The following SKAP1 variants were observed in gnomAD, a reference collection of about 807,000 sequenced individuals.
SKAP1 encodes the protein src kinase-associated phosphoprotein 1.
SKAP1 carries 44 observed loss-of-function variants against 58.5 expected under a neutral mutation model. The ratio of observed to expected loss-of-function variants is 0.75; its 90% CI spans 0.59 to 0.97. The LOEUF is 0.97. Among genes scored for constraint, SKAP1 ranks in the 50% least tolerant of loss-of-function variants. The probability of loss-of-function intolerance (pLI) is 0.00; values close to 1 mark genes in which losing one functional copy is unlikely to be tolerated. For synonymous variants in SKAP1, 127 were observed against 149.7 expected, an observed-to-expected ratio of 0.85 and a Z score of 1.11; for missense variants, 390 against 435.2, an observed-to-expected ratio of 0.90 and a Z score of 0.92.
intron 3 of SKAP1, 81 bp downstream of exon 3, chr17:48,363,708 G>T: frequency 1.6e-6 from 2 of 1,236,140 alleles, no homozygotes; most frequent in Non-Finnish European, 2.3e-6. Context: ...CTGTGGAGAA[G>T]CTTGTAGAGA....
At chr17:48,378,839 G>A (rs1258023603) in intron 2 of SKAP1, among the ~76,000 whole-genome samples, 1 of 152,158 alleles carries the variant, frequency 6.6e-6, no homozygotes, top group Non-Finnish European at 1.5e-5. Context: ...AGCGAATGGA[G>A]GTAAGAAGCA....
At chr17:48,372,017 G>A (rs2067093905) in intron 2 of SKAP1, among the ~76,000 whole-genome samples, 1 of 152,042 alleles carries the variant, frequency 6.6e-6, no homozygotes, top group Admixed American at 6.6e-5. Flanking sequence ...CTGTCACCCA[G>A]GCTGGAGTGC....
At chr17:48,379,022 A>T (rs1452116497) in intron 2 of SKAP1, among the ~76,000 whole-genome samples, 1 of 152,176 alleles carries the variant, frequency 6.6e-6, no homozygotes, top group Non-Finnish European at 1.5e-5. Flanking sequence ...TTTTCCTCTA[A>T]ATCACTCACA....
intron 10 of SKAP1, among the ~76,000 whole-genome samples, chr17:48,167,422 A>G (rs1334569665): frequency 6.6e-6 from 1 of 152,102 alleles, no homozygotes; most frequent in Admixed American, 6.5e-5. Context: ...TAATCAGCTC[A>G]TGTTTGGTCT....
chr17:48,408,032 C>T (rs956394697), intron 1 of SKAP1, among the ~76,000 whole-genome samples: 1 of 151,974 alleles, frequency 6.6e-6, no homozygotes, highest in Admixed American at 6.6e-5. Flanking sequence ...GGAGCAAAAA[C>T]AAAATTTTTA....
chr17:48,297,849 A>T (rs4128439), intron 4 of SKAP1, among the ~76,000 whole-genome samples: 31,595 of 152,162 alleles, frequency 0.21, 3,289 homozygotes, highest in Admixed American at 0.22. Context: ...TGGCTTCAGA[A>T]ATTTTGGCAG....
chr17:48,158,935 T>G (rs2064030215), intron 11 of SKAP1, among the ~76,000 whole-genome samples: 1 of 148,234 alleles, frequency 6.7e-6, no homozygotes, highest in Admixed American at 6.8e-5. Context: ...CACTCCAGCC[T>G]GGCAACAGAG....
intron 4 of SKAP1, chr17:48,204,569 C>T (rs984370472): frequency 6.6e-6 from 1 of 152,076 alleles, no homozygotes; most frequent in Non-Finnish European, 1.5e-5. Context: ...TTTTTAGGAA[C>T]CCCATTCTGC....
intron 4 of SKAP1, among the ~76,000 whole-genome samples, chr17:48,289,546 G>A (rs940787528): frequency 2.7e-4 from 41 of 152,076 alleles, no homozygotes; most frequent in African/African-American, 9.7e-4. Context: ...GCTGTGAGGT[G>A]TTGTGTTAAA....
At chr17:48,265,241 C>G (rs1257434843) in intron 4 of SKAP1, among the ~76,000 whole-genome samples, 2 of 152,114 alleles carry the variant, frequency 1.3e-5, no homozygotes, top group African/African-American at 4.8e-5. Context: ...TGCGGTGGCT[C>G]ACACCTGTAA....
chr17:48,177,994 A>G (rs895477016), intron 9 of SKAP1, among the ~76,000 whole-genome samples: 4 of 152,042 alleles, frequency 2.6e-5, no homozygotes, highest in Admixed American at 2.6e-4. Flanking sequence ...GTACCTACAG[A>G]TGAGTCTTCA....
chr17:48,360,353 A>G (rs1159601400), intron 3 of SKAP1, among the ~76,000 whole-genome samples: 1 of 152,172 alleles, frequency 6.6e-6, no homozygotes, highest in Non-Finnish European at 1.5e-5. Flanking sequence ...TCATTTTATA[A>G]AAGGGGAAAC....
intron 4 of SKAP1, among the ~76,000 whole-genome samples, chr17:48,319,800 C>T (rs1025238822): frequency 3.9e-5 from 6 of 152,124 alleles, no homozygotes; most frequent in African/African-American, 1.4e-4. Context: ...AGTGATCACA[C>T]CACTGCATTC....
Position 48,187,882 on chromosome 17 carries a change from C to A in SKAP1, c.403G>T (p.Val135Phe), listed in dbSNP as rs375916385. ...TAGTAGTAGAAGAGACCTCTGCTGA[C>A]AACACACCATCGCTTCTGCCACTCC... is the stretch of plus-strand genomic sequence containing the variant. ...GSEWQKRWCV[V>F]SRGLFYYYAN... Residue 135 changes from valine to phenylalanine, a missense_variant, in exon 6 of 13, where the codon GTC (valine) becomes TTC (phenylalanine). Physicochemically the swap from Val to Phe is conservative, Grantham distance 50. Transcript: ENST00000336915. 24 of 1,614,014 alleles carry A rather than the reference C, an allele frequency of 1.5e-5. No homozygotes were observed. Among genetic ancestry groups the A allele is most frequent in the Non-Finnish European group, 1.9e-5 (23 of 1,179,892 alleles).
rs577891648 is a variant in SKAP1, at chr17:48,387,439, T to C, written c.152+9241A>G. Among the ~76,000 whole-genome samples, 11 of 152,354 alleles carry C rather than the reference T, an allele frequency of 7.2e-5. 1 individual carries two copies. The South Asian group carries it at 2.3e-3, about 32-fold the overall frequency. On this transcript the variant is annotated intron_variant, in intron 2 of 12. Transcript: ENST00000336915. Reference sequence around the variant, plus strand: ...CTCTCCAGAATGGAAATATTATCACTTTCAACATATACTTCATCTCCAGTC... The same window carrying C: ...CTCTCCAGAATGGAAATATTATCACCTTCAACATATACTTCATCTCCAGTC...
chr17:48,413,183 G>T (rs770477218), intron 1 of SKAP1, among the ~76,000 whole-genome samples: 1 of 151,938 alleles, frequency 6.6e-6, no homozygotes, highest in African/African-American at 2.4e-5. Flanking sequence ...ACTTGATGAA[G>T]ACCTAGGAAA....
At chr17:48,280,299 G>A (rs539606206) in intron 4 of SKAP1, among the ~76,000 whole-genome samples, 3 of 151,928 alleles carry the variant, frequency 2.0e-5, no homozygotes, top group Admixed American at 1.3e-4. Flanking sequence ...GTGAAACGCC[G>A]TCTCTACTAA....
At chr17:48,210,918 CA>C in intron 4 of SKAP1, among the ~76,000 whole-genome samples, 1 of 152,236 alleles carries the variant, frequency 6.6e-6, no homozygotes, top group South Asian at 2.1e-4. Context: ...CCAGATGTAT[CA>C]TTAGGATTAG....
intron 2 of SKAP1, among the ~76,000 whole-genome samples, chr17:48,380,535 G>A (rs1320607795): frequency 6.6e-6 from 1 of 152,102 alleles, no homozygotes; most frequent in African/African-American, 2.4e-5. Flanking sequence ...AATTCTCAGG[G>A]TCCACCCCAG....
Sources: gnomAD v4.1 joint callset for allele counts (sites outside exome capture counted in the v4.1 genomes callset) on GRCh38, gnomAD v4.1.1 for gene constraint, MANE v1.5 for transcripts, NCBI Gene and HGNC (gene_info 2026-07-23, HGNC 2026-07-21) for gene names.